The following SLCO1B3 variants were observed in gnomAD, a reference collection of about 807,000 sequenced individuals.
The protein encoded by SLCO1B3 is solute carrier organic anion transporter family member 1B3.
Under a neutral mutation model 71.8 loss-of-function variants are expected in SLCO1B3, and 72 were observed. The ratio of observed to expected loss-of-function variants is 1.00; its 90% CI spans 0.83 to 1.22. The LOEUF is 1.22. Ranked by LOEUF, SLCO1B3 falls within the 50% of genes most tolerant of loss-of-function variation. The pLI, the probability that SLCO1B3 is intolerant of heterozygous loss-of-function variation, is 0.00. For missense variants in SLCO1B3, 911 were observed against 819.7 expected, an observed-to-expected ratio of 1.11 and a Z score of -1.36; for synonymous variants, 298 against 278.4, an observed-to-expected ratio of 1.07 and a Z score of -0.70.
intron 3 of SLCO1B3, among the ~76,000 whole-genome samples, chr12:20,833,800 G>A (rs1361357016): frequency 2.0e-5 from 3 of 147,026 alleles, no homozygotes; most frequent in Non-Finnish European, 4.5e-5. Flanking sequence ...TTCATAAAGT[G>A]TGTGTGTATA....
intron 4 of SLCO1B3, among the ~76,000 whole-genome samples, chr12:20,858,188 A>T (rs1454118801): frequency 6.6e-6 from 1 of 152,106 alleles, no homozygotes; most frequent in Non-Finnish European, 1.5e-5. Context: ...TCAAAAAAAA[A>T]CTTTGCTTCT....
intron 3 of SLCO1B3, among the ~76,000 whole-genome samples, chr12:20,844,145 A>G (rs1487219127): frequency 2.0e-5 from 3 of 151,718 alleles, no homozygotes; most frequent in East Asian, 1.9e-4. Flanking sequence ...GTGTATATAT[A>G]TGTGTGTGTG....
chr12:20,817,512 G>T (rs1013566479), intron 3 of SLCO1B3, among the ~76,000 whole-genome samples: 1 of 152,054 alleles, frequency 6.6e-6, no homozygotes, highest in Admixed American at 6.5e-5. Flanking sequence ...TTTGTTTCTG[G>T]GTTCTCTATT....
intron 3 of SLCO1B3, among the ~76,000 whole-genome samples, chr12:20,827,912 A>T (rs942193033): frequency 6.6e-6 from 1 of 152,200 alleles, no homozygotes; most frequent in East Asian, 1.9e-4. Flanking sequence ...CTAAATTTGC[A>T]TACTAAAGGA....
chr12:20,907,625 C>T (rs1591792987), intron 15 of SLCO1B3, among the ~76,000 whole-genome samples: 1 of 151,242 alleles, frequency 6.6e-6, no homozygotes, highest in East Asian at 2.0e-4. Context: ...TCTCTTGCCT[C>T]AGCCTCCTGA....
At chr12:20,915,884 A>C (rs1474947830) in intron 15 of SLCO1B3, 120 bp from the exon 16 acceptor site, 3 of 662,908 alleles carry the variant, frequency 4.5e-6, no homozygotes, top group Non-Finnish European at 7.6e-6. Context: ...TTGTTCTCTT[A>C]ATATTTGTAT....
chr12:20,820,941 T>C (rs879101382), intron 3 of SLCO1B3, among the ~76,000 whole-genome samples: 1 of 152,028 alleles, frequency 6.6e-6, no homozygotes, highest in Non-Finnish European at 1.5e-5. Flanking sequence ...GGGGTAGTCA[T>C]GGAACAAAAC....
chr12:20,818,615 G>C lies in SLCO1B3; in HGVS notation c.84+2793G>C, dbSNP rs144554308. Among the ~76,000 whole-genome samples the C allele has an allele frequency of 5.5e-3, 843 of 152,258 alleles. 3 individuals carry two copies. The highest frequency in any genetic ancestry group is 0.02 in the Middle Eastern group (6 of 294). ...TTGAGGAGTAGCAGATGGAATAGCA[G>C]ATGGAACACTAAGAAGTTATTTCCT... On this transcript the variant is annotated intron_variant, in intron 3 of 15. Transcript: ENST00000381545.
chr12:20,812,633 G>A (rs1215570741), intron 1 of SLCO1B3, among the ~76,000 whole-genome samples: 1 of 152,160 alleles, frequency 6.6e-6, no homozygotes, highest in Non-Finnish European at 1.5e-5. Context: ...CCCTCAAATA[G>A]GAAGTGTAAG....
intron 13 of SLCO1B3, among the ~76,000 whole-genome samples, chr12:20,890,913 C>T (rs1003422499): frequency 1.3e-5 from 2 of 151,960 alleles, no homozygotes; most frequent in African/African-American, 4.8e-5. Flanking sequence ...TTACCAGTTA[C>T]TTGAGTTAGG....
chr12:20,888,898 A>C (rs761818349), intron 13 of SLCO1B3, among the ~76,000 whole-genome samples: 1 of 152,052 alleles, frequency 6.6e-6, no homozygotes, highest in Non-Finnish European at 1.5e-5. Context: ...TTTTATCATA[A>C]AGCGATGCTG....
chr12:20,839,022 C>G (rs1864740210), intron 3 of SLCO1B3, among the ~76,000 whole-genome samples: 1 of 151,874 alleles, frequency 6.6e-6, no homozygotes, highest in Non-Finnish European at 1.5e-5. Context: ...ACAACTATTT[C>G]AAGTTTACTT....
chr12:20,873,261 T>C (rs184165193), intron 8 of SLCO1B3, among the ~76,000 whole-genome samples: 18 of 152,320 alleles, frequency 1.2e-4, no homozygotes, highest in Admixed American at 2.6e-4. Context: ...ATACCTTTCC[T>C]TGATAGAACT....
chr12:20,853,213 CT>C (rs1320270707), intron 3 of SLCO1B3, among the ~76,000 whole-genome samples: 4 of 152,028 alleles, frequency 2.6e-5, no homozygotes, highest in African/African-American at 7.2e-5. Context: ...GAATATTTTT[CT>C]GTAGTTTTCT....
At chr12:20,827,404 T>G (rs1565579392) in intron 3 of SLCO1B3, among the ~76,000 whole-genome samples, 2 of 152,224 alleles carry the variant, frequency 1.3e-5, no homozygotes, top group East Asian at 3.8e-4. Flanking sequence ...TTGATTTAAA[T>G]GCTTTTGTAA....
intron 11 of SLCO1B3, 115 bp downstream of exon 11, chr12:20,879,746 GAA>G: frequency 4.1e-6 from 3 of 729,000 alleles, no homozygotes; most frequent in Non-Finnish European, 6.1e-6. Context: ...TTAATTGAGA[GAA>G]ATTTCAATTT....
At chr12:20,868,639 T>C (rs1427162869) in intron 8 of SLCO1B3, among the ~76,000 whole-genome samples, 3 of 142,218 alleles carry the variant, frequency 2.1e-5, no homozygotes, top group Non-Finnish European at 3.1e-5. Context: ...GATGAGAGAG[T>C]GTAGAAATAA....
intron 3 of SLCO1B3, among the ~76,000 whole-genome samples, chr12:20,823,936 G>A (rs1267670810): frequency 3.3e-5 from 5 of 152,164 alleles, no homozygotes; most frequent in Non-Finnish European, 7.3e-5. Flanking sequence ...ATCGGAAAAT[G>A]TCATTCCAGT....
intron 13 of SLCO1B3, among the ~76,000 whole-genome samples, chr12:20,886,201 A>G (rs933148953): frequency 6.6e-6 from 1 of 152,032 alleles, no homozygotes; most frequent in Non-Finnish European, 1.5e-5. Context: ...AAGGAAGGGT[A>G]GTTTGGAGGA....
Sources: allele counts gnomAD v4.1 joint callset (sites outside exome capture counted in the v4.1 genomes callset), GRCh38; gene constraint gnomAD v4.1.1; transcripts MANE v1.5; gene names NCBI Gene and HGNC (gene_info 2026-07-23, HGNC 2026-07-21).